CSGALNACT1: variants seen among roughly 807,000 people sequenced by gnomAD.
The protein encoded by CSGALNACT1 is chondroitin sulfate N-acetylgalactosaminyltransferase 1.
A neutral mutation model predicts 51.0 loss-of-function variants in CSGALNACT1; 52 were observed. That is an observed-to-expected ratio of 1.02 (90% CI 0.82 to 1.29). The LOEUF (loss-of-function observed/expected upper bound fraction) is 1.29. CSGALNACT1 is among the 50% of genes most tolerant of loss of function. CSGALNACT1 has a pLI of 0.00. For missense variants in CSGALNACT1, 935 were observed against 679.2 expected (o/e 1.38, Z -4.19); for synonymous variants, 341 against 254.4 (o/e 1.34, Z -3.24).
intron 1 of CSGALNACT1, among the ~76,000 whole-genome samples, chr8:19,715,572 T>C (rs1005114822): frequency 6.6e-6 from 1 of 152,252 alleles, no homozygotes; most frequent in Non-Finnish European, 1.5e-5. Flanking sequence ...CTGTTGTAAA[T>C]AGGGCTGTGA....
intron 1 of CSGALNACT1, among the ~76,000 whole-genome samples, chr8:19,742,980 A>ACATT (rs1343158649): frequency 6.6e-6 from 1 of 152,190 alleles, no homozygotes; most frequent in Non-Finnish European, 1.5e-5. Flanking sequence ...GATGATCTAT[A>ACATT]CATTCCCTTC....
At chr8:19,497,672 C>A (rs1462917053) in intron 4 of CSGALNACT1, among the ~76,000 whole-genome samples, 1 of 152,102 alleles carries the variant, frequency 6.6e-6, no homozygotes, top group Non-Finnish European at 1.5e-5. Flanking sequence ...GTAAGAGCAA[C>A]CTAAAAATCC....
chr8:19,570,693 A>G (rs1427099099), intron 3 of CSGALNACT1, among the ~76,000 whole-genome samples: 1 of 152,170 alleles, frequency 6.6e-6, no homozygotes, highest in African/African-American at 2.4e-5. Context: ...CGAGGGTAGG[A>G]GTTCGAGACC....
chr8:19,638,664 G>C (rs2056393764), intron 1 of CSGALNACT1, among the ~76,000 whole-genome samples: 1 of 151,980 alleles, frequency 6.6e-6, no homozygotes, highest in Non-Finnish European at 1.5e-5. Flanking sequence ...TGAGATCTTT[G>C]AAAGAAGTGA....
chr8:19,597,857 C>G (rs1370725522), intron 2 of CSGALNACT1, among the ~76,000 whole-genome samples: 1 of 152,172 alleles, frequency 6.6e-6, no homozygotes, highest in Non-Finnish European at 1.5e-5. Context: ...ATGCAGAGAC[C>G]ATGCCTAGTT....
At chr8:19,577,572 AT>A (rs779326868) in intron 3 of CSGALNACT1, among the ~76,000 whole-genome samples, 3 of 142,052 alleles carry the variant, frequency 2.1e-5, no homozygotes, top group South Asian at 4.5e-4. Flanking sequence ...AAAAAAAAAA[AT>A]TAAAAATAGA....
rs573565935 is a variant in CSGALNACT1 at position 19,461,119 on chromosome 8, G to T, written c.635-2477C>A. On this transcript the variant is annotated intron_variant, in intron 4 of 9. Transcript: ENST00000454498. ...GGTATCCTGCTTGACTGCCCTCAAA[G>T]TCAGGCAAGCTGAGAGTTTTGCTGA... is the stretch of plus-strand genomic sequence containing the variant. Among the ~76,000 whole-genome samples, 11 of 152,300 alleles carry T rather than the reference G, an allele frequency of 7.2e-5. No homozygotes were observed. In the East Asian group the frequency reaches 1.9e-3, roughly 27 times the overall value.
At chr8:19,413,425 C>T (rs1294753405) in intron 8 of CSGALNACT1, among the ~76,000 whole-genome samples, 1 of 152,110 alleles carries the variant, frequency 6.6e-6, no homozygotes, top group East Asian at 1.9e-4. Flanking sequence ...CACCTCTTCC[C>T]CTTATTGAGT....
At chr8:19,488,724 G>C (rs1203491147) in intron 4 of CSGALNACT1, among the ~76,000 whole-genome samples, 1 of 152,028 alleles carries the variant, frequency 6.6e-6, no homozygotes, top group Non-Finnish European at 1.5e-5. Flanking sequence ...CATGTGTAAA[G>C]ACCCATATAT....
At chr8:19,475,278 A>AC (rs1184639425) in intron 4 of CSGALNACT1, among the ~76,000 whole-genome samples, 1 of 152,128 alleles carries the variant, frequency 6.6e-6, no homozygotes, top group Non-Finnish European at 1.5e-5. Flanking sequence ...ATGCAGTAAG[A>AC]CCTGAAGCTG....
intron 1 of CSGALNACT1, among the ~76,000 whole-genome samples, chr8:19,752,142 ATAT>A (rs1387859127): frequency 1.4e-5 from 2 of 147,262 alleles, no homozygotes; most frequent in Non-Finnish European, 3.0e-5. Context: ...ATATTATATG[ATAT>A]TATATGACAT....
At chr8:19,642,788 C>CAAAA (rs756974494) in intron 1 of CSGALNACT1, among the ~76,000 whole-genome samples, 1 of 83,188 alleles carries the variant, frequency 1.2e-5, no homozygotes, top group Non-Finnish European at 2.5e-5. Context: ...GACCCTGTCA[C>CAAAA]AAAAAAAAAA....
chr8:19,682,669 C>A (rs1459937494), upstream of CSGALNACT1: 2 of 454,074 alleles, frequency 4.4e-6, no homozygotes, highest in Non-Finnish European at 8.8e-6. Flanking sequence ...ACAAGGAAGC[C>A]ATTGACACAA....
At chr8:19,663,440 G>A (rs576701629) in intron 1 of CSGALNACT1, among the ~76,000 whole-genome samples, 1 of 152,198 alleles carries the variant, frequency 6.6e-6, no homozygotes, top group South Asian at 2.1e-4. Context: ...CAAATTTTAA[G>A]TTTAAAGCAG....
At chr8:19,739,035 G>T (rs2064152558) in intron 1 of CSGALNACT1, among the ~76,000 whole-genome samples, 1 of 152,016 alleles carries the variant, frequency 6.6e-6, no homozygotes, top group African/African-American at 2.4e-5. Flanking sequence ...AACATGGTCT[G>T]GGTATTCAGT....
At chr8:19,566,457 T>G (rs1259303638) in intron 3 of CSGALNACT1, among the ~76,000 whole-genome samples, 1 of 152,218 alleles carries the variant, frequency 6.6e-6, no homozygotes, top group South Asian at 2.1e-4. Flanking sequence ...AAAAGCCTTA[T>G]GTTTATGGTC....
At chr8:19,553,885 C>G (rs947102387) in intron 3 of CSGALNACT1, among the ~76,000 whole-genome samples, 2 of 146,810 alleles carry the variant, frequency 1.4e-5, no homozygotes, top group Admixed American at 1.4e-4. Context: ...AATCACCGAA[C>G]AAGAAAGAAC....
chr8:19,557,381 T>A (rs2154091979), intron 3 of CSGALNACT1, among the ~76,000 whole-genome samples: 1 of 152,282 alleles, frequency 6.6e-6, no homozygotes, highest in East Asian at 1.9e-4. Context: ...AAAGTCAGAT[T>A]TTGTTATGTT....
intron 1 of CSGALNACT1, among the ~76,000 whole-genome samples, chr8:19,735,939 T>C (rs1748787435): frequency 6.6e-6 from 1 of 152,184 alleles, no homozygotes; most frequent in African/African-American, 2.4e-5. Flanking sequence ...TTTTATACAA[T>C]CAATTTTATC....
Sources: allele counts gnomAD v4.1 joint callset (sites outside exome capture counted in the v4.1 genomes callset), GRCh38; gene constraint gnomAD v4.1.1; transcripts MANE v1.5; gene names NCBI Gene and HGNC (gene_info 2026-07-23, HGNC 2026-07-21).